Variants in ZCCHC4 observed in about 807,000 individuals in gnomAD.
ZCCHC4 encodes the protein rRNA N(6)-adenosine-methyltransferase ZCCHC4.
ZCCHC4 carries 54 observed loss-of-function variants against 67.7 expected under a neutral mutation model. The observed-to-expected ratio is 0.80, with a 90% CI of 0.64 to 1.00. ZCCHC4 has a LOEUF of 1.00. Ranked by LOEUF, ZCCHC4 falls within the 50% of genes least tolerant of loss-of-function variation. The pLI is 0.00. For missense variants in ZCCHC4, 609 were observed against 617.0 expected, an observed-to-expected ratio of 0.99 and a Z score of 0.14; for synonymous variants, 198 against 213.5, an observed-to-expected ratio of 0.93 and a Z score of 0.63.
chr4:25,312,868 G>A lies in ZCCHC4; in HGVS notation c.59G>A (p.Arg20Gln), dbSNP rs1414674771. 5.0e-6 allele frequency: 8 copies of A among 1,612,880 alleles called. No homozygotes were observed. The highest frequency in any genetic ancestry group is 4.0e-5 in the African/African-American group (3 of 74,870). The change falls in exon 1 of 13, where the codon CGG (arginine) becomes CAG (glutamine). Residue 20 changes from arginine (R) to glutamine (Q), a missense_variant. Transcript: ENST00000302874. ...AVEAEGSAGCRGSSGMEVVLP... is the reference protein window; with the variant it reads ...AVEAEGSAGCQGSSGMEVVLP... ...GAGGCAGAGGGCAGCGCAGGGTGCC[G>A]GGGAAGCTCGGGAATGGAGGTGGTG...
At chr4:25,330,647 G>C (rs995999002) in intron 3 of ZCCHC4, among the ~76,000 whole-genome samples, 4 of 152,188 alleles carry the variant, frequency 2.6e-5, no homozygotes, top group African/African-American at 9.7e-5. Context: ...TGCTTTTGAA[G>C]ACTTGTCTTT....
chr4:25,366,930 G>A (rs1172810524), intron 12 of ZCCHC4, among the ~76,000 whole-genome samples: 1 of 152,120 alleles, frequency 6.6e-6, no homozygotes, highest in Non-Finnish European at 1.5e-5. Context: ...AGCAAATCCT[G>A]TGAGATGTGG....
chr4:25,313,157 C>T (rs1361551849), intron 1 of ZCCHC4, among the ~76,000 whole-genome samples: 2 of 152,174 alleles, frequency 1.3e-5, no homozygotes, highest in Non-Finnish European at 2.9e-5. Context: ...ACTATTTCAT[C>T]TCTTTTGGGG....
At chr4:25,334,477 C>T (rs986084798) in intron 5 of ZCCHC4, among the ~76,000 whole-genome samples, 1 of 152,116 alleles carries the variant, frequency 6.6e-6, no homozygotes, top group Admixed American at 6.5e-5. Flanking sequence ...AGACAGGTCC[C>T]AAAGCAGAGG....
chr4:25,328,988 A>G (rs887550488), intron 3 of ZCCHC4, among the ~76,000 whole-genome samples: 35 of 151,958 alleles, frequency 2.3e-4, no homozygotes, highest in African/African-American at 8.5e-4. Flanking sequence ...AGGAGTTTAG[A>G]TCAGCCTGGA....
Position 25,314,161 on chromosome 4 carries a change from A to G in ZCCHC4, c.243A>G (p.Glu81=), listed in dbSNP as rs768063971. The G allele has an allele frequency of 6.3e-7, 1 of 1,581,386 alleles. No individual in the cohort carries two copies. ...KDCNFFQWED[E]KLSGARLAAR... ...GTAATTTTTTTCAGTGGGAAGATGAAAAGGTATATCAACTTTTTGGATATT... is the reference window on the plus strand; with the variant it reads ...GTAATTTTTTTCAGTGGGAAGATGAGAAGGTATATCAACTTTTTGGATATT... Residue 81 remains glutamate (E), a synonymous_variant, in exon 2 of 13, where the codon GAA becomes GAG. Transcript: ENST00000302874.
chr4:25,347,602 A>G (rs1237196787), intron 6 of ZCCHC4, among the ~76,000 whole-genome samples: 1 of 152,198 alleles, frequency 6.6e-6, no homozygotes, highest in African/African-American at 2.4e-5. Flanking sequence ...GTTTTTCAGT[A>G]GAGATTTACC....
chr4:25,359,416 G>A lies in ZCCHC4; in HGVS notation c.1012-2443G>A, dbSNP rs1720635921. On this transcript the variant is annotated intron_variant, in intron 8 of 12. Coordinates refer to ENST00000302874, the MANE Select transcript of ZCCHC4 (RefSeq NM_024936.3). This position sits in a 1 kb window ranked among gnomAD's most constrained non-coding sequence, Gnocchi z 4.9. ...CCTCCAGGCACAGGCGGGGCACCTG[G>A]AGGCTCGGCTACAGAGCTTGGAAAA... Among the ~76,000 whole-genome samples the A allele has an allele frequency of 6.6e-6, 1 of 152,148 alleles. No homozygotes were observed. Among genetic ancestry groups the A allele is most frequent in the South Asian group, 2.1e-4 (1 of 4,826 alleles).
In ZCCHC4 at chr4:25,365,088, A is replaced by T. The variant is rs552545955; in HGVS notation, c.1328A>T (p.His443Leu). 1.1e-5 allele frequency: 18 copies of T among 1,614,238 alleles called. No individual in the cohort carries two copies. In the South Asian group the frequency reaches 1.9e-4, roughly 17 times the overall value. Residue 443 changes from histidine to leucine, a missense_variant, in exon 12 of 13, where the codon CAT (histidine) becomes CTT (leucine). Physicochemically the swap from His to Leu is moderately conservative, Grantham distance 99. Transcript: ENST00000302874. Reference protein sequence around the residue: ...VPDHSCEGPKHGCFICGELDH... With the variant: ...VPDHSCEGPKLGCFICGELDH... ...GATCATTCTTGTGAGGGCCCCAAACATGGCTGCTTTATTTGTGGTGAACTG... is the reference window on the plus strand; with the variant it reads ...GATCATTCTTGTGAGGGCCCCAAACTTGGCTGCTTTATTTGTGGTGAACTG...
chr4:25,314,067 A>C lies in ZCCHC4; in HGVS notation c.149A>C (p.Lys50Thr). Residue 50 changes from lysine to threonine, a missense_variant, in exon 2 of 13, where the codon AAG (lysine) becomes ACG (threonine). Physicochemically the swap from Lys to Thr is moderately conservative, Grantham distance 78. Coordinates refer to ENST00000302874, the MANE Select transcript of ZCCHC4 (RefSeq NM_024936.3). ...CTAGGACCCACTCTTCTGTTTGTAA[A>C]GGTGACCCAAGGGAAAGAAGAAACT... ...CPHGPTLLFV[K>T]VTQGKEETRR... The C allele has an allele frequency of 6.3e-7, 1 of 1,597,684 alleles. No individual in the cohort carries two copies. Among genetic ancestry groups the C allele is most frequent in the South Asian group, 1.1e-5 (1 of 90,006 alleles).
At chr4:25,351,061 A>C (rs887420063) in intron 7 of ZCCHC4, among the ~76,000 whole-genome samples, 19 of 152,216 alleles carry the variant, frequency 1.2e-4, no homozygotes, top group Admixed American at 1.0e-3. Context: ...ATACTAGCCT[A>C]TACTAGGTGC....
At chr4:25,362,110 A>C (rs1177722696) in intron 9 of ZCCHC4, 116 bp from the exon 10 acceptor site, 12 of 1,451,810 alleles carry the variant, frequency 8.3e-6, no homozygotes, top group Non-Finnish European at 1.1e-5. Context: ...CCATAATTTC[A>C]TACTTAATTG....
At chr4:25,329,533 CTT>C (rs56340221) in intron 3 of ZCCHC4, among the ~76,000 whole-genome samples, 6 of 127,100 alleles carry the variant, frequency 4.7e-5, no homozygotes, top group Admixed American at 1.7e-4. Flanking sequence ...TTATATTTTC[CTT>C]TTTTTTTTTT....
At chr4:25,327,624 T>C (rs751449339) in intron 3 of ZCCHC4, among the ~76,000 whole-genome samples, 3 of 152,010 alleles carry the variant, frequency 2.0e-5, no homozygotes, top group African/African-American at 7.2e-5. Flanking sequence ...GGACTATAGG[T>C]GTGTACTACC....
intron 3 of ZCCHC4, among the ~76,000 whole-genome samples, chr4:25,328,137 A>C (rs1397465418): frequency 2.0e-5 from 3 of 152,170 alleles, no homozygotes. Flanking sequence ...TTTTGAAAGA[A>C]TTTGTGTAGA....
At chr4:25,314,279 G>A (rs983160126) in intron 2 of ZCCHC4, 115 bp downstream of exon 2, 6 of 648,204 alleles carry the variant, frequency 9.3e-6, no homozygotes, top group African/African-American at 1.8e-5. Flanking sequence ...AATCTCTTAA[G>A]AGAGATGGAG....
intron 11 of ZCCHC4, 81 bp from the exon 12 acceptor site, chr4:25,364,941 C>T (rs768412415): frequency 3.3e-5 from 52 of 1,571,002 alleles, no homozygotes; most frequent in Non-Finnish European, 3.8e-5. Flanking sequence ...AAACACTGTT[C>T]GTATATCCTA....
Position 25,369,017 on chromosome 4 carries a change from C to T in ZCCHC4, c.1407-12C>T, listed in dbSNP as rs1160652392. 6.2e-7 allele frequency: 1 copy of T among 1,601,430 alleles called. No individual in the cohort carries two copies. Among genetic ancestry groups the T allele is most frequent in the Non-Finnish European group, 8.5e-7 (1 of 1,176,982 alleles). On this transcript the variant is annotated splice_polypyrimidine_tract_variant and intron_variant, in intron 12 of 12. Coordinates refer to ENST00000302874, the MANE Select transcript of ZCCHC4 (RefSeq NM_024936.3). ...CTCATTCTGTGAAATAATTTAGCAC[C>T]TTGTTTTCCAGAGCTGTCAGAAAGC...
intron 8 of ZCCHC4, chr4:25,352,393 G>A (rs1720343248): frequency 3.9e-5 from 38 of 985,114 alleles, no homozygotes; most frequent in Non-Finnish European, 4.1e-5. Context: ...ACTGTTTATG[G>A]TCTTCAGGCA....
Sources: allele counts gnomAD v4.1 joint callset (sites outside exome capture counted in the v4.1 genomes callset), GRCh38; gene constraint gnomAD v4.1.1; non-coding constraint Gnocchi (gnomAD v3.1); transcripts MANE v1.5; gene names NCBI Gene and HGNC (gene_info 2026-07-23, HGNC 2026-07-21).